PSMB2: variants seen among roughly 807,000 people sequenced by gnomAD.
PSMB2 encodes proteasome subunit beta type-2.
Under a neutral mutation model 25.7 loss-of-function variants are expected in PSMB2, and 13 were observed. The observed-to-expected ratio is 0.51, with a 90% CI of 0.33 to 0.80. The LOEUF is 0.80. PSMB2 is among the 30% of genes least tolerant of loss of function. PSMB2 has a pLI of 0.02. For missense variants in PSMB2, 202 were observed against 259.0 expected, an observed-to-expected ratio of 0.78 and a Z score of 1.51; for synonymous variants, 87 against 96.2, an observed-to-expected ratio of 0.90 and a Z score of 0.56.
rs1331801383 is a variant in PSMB2 at position 35,600,060 on chromosome 1, CAGG to C, written c.*3204_*3206del. 3.1e-5 allele frequency: 22 copies of C among 703,774 alleles called. No homozygotes were observed. The highest frequency in any genetic ancestry group is 3.8e-5 in the Non-Finnish European group (22 of 573,188). 43.6% of individuals were successfully genotyped at this position (703,774 alleles called of 1,614,324 possible). On this transcript the variant is annotated 3_prime_UTR_variant, in exon 6 of 6. Coordinates refer to ENST00000373237, the MANE Select transcript of PSMB2 (RefSeq NM_002794.5). ...CTGGGGTAAGAGGTTCACTTGAGCC[CAGG>C]AGTTCAAGTGAACTTACTGCAGTAA...
At chr1:35,621,073 C>T (rs1337042142) in intron 3 of PSMB2, among the ~76,000 whole-genome samples, 3 of 152,120 alleles carry the variant, frequency 2.0e-5, no homozygotes, top group African/African-American at 7.2e-5. Context: ...CAGTATCCCA[C>T]AACAGATGAA....
At chr1:35,631,610 A>G in intron 2 of PSMB2, 2 of 741,066 alleles carry the variant, frequency 2.7e-6, no homozygotes, top group Non-Finnish European at 3.7e-6. Flanking sequence ...TGCTTAAACT[A>G]TTCATTCATC....
intron 1 of PSMB2, among the ~76,000 whole-genome samples, chr1:35,640,965 C>A (rs1055652380): frequency 2.6e-5 from 4 of 152,082 alleles, no homozygotes; most frequent in African/African-American, 7.2e-5. Context: ...CCGAGACGGG[C>A]GGATCTCCTG....
At chr1:35,622,388 C>T (rs1650716189) in intron 3 of PSMB2, among the ~76,000 whole-genome samples, 1 of 152,128 alleles carries the variant, frequency 6.6e-6, no homozygotes, top group Non-Finnish European at 1.5e-5. Context: ...TAATAGTAAA[C>T]ATTTTAAAAG....
At chr1:35,604,481 T>G (rs562647788) in intron 5 of PSMB2, among the ~76,000 whole-genome samples, 24 of 152,194 alleles carry the variant, frequency 1.6e-4, no homozygotes, top group African/African-American at 4.8e-4. Flanking sequence ...ACAGAGCAGG[T>G]ATAAAGTCTA....
chr1:35,612,549 A>G (rs1301631195), intron 3 of PSMB2, among the ~76,000 whole-genome samples: 1 of 152,236 alleles, frequency 6.6e-6, no homozygotes, highest in Admixed American at 6.5e-5. Context: ...ACAGTACTGC[A>G]AAATCTGGCA....
At chr1:35,617,494 G>A (rs1650526525) in intron 3 of PSMB2, among the ~76,000 whole-genome samples, 1 of 152,190 alleles carries the variant, frequency 6.6e-6, no homozygotes, top group South Asian at 2.1e-4. Flanking sequence ...CTACAACATA[G>A]AATAATTATT....
intron 3 of PSMB2, among the ~76,000 whole-genome samples, chr1:35,629,555 T>A (rs114352295): frequency 0.018 from 2,793 of 152,266 alleles, 100 homozygotes; most frequent in African/African-American, 0.063. Flanking sequence ...ATTCCTATAA[T>A]CCCAGCACCC....
At position 35,603,374 on chromosome 1, in the gene PSMB2, G is replaced by A. The variant is rs757993677; in HGVS notation, c.499C>T (p.Leu167Phe). 3.1e-6 allele frequency: 5 copies of A among 1,614,046 alleles called. No individual in the cohort carries two copies. The East Asian group carries it at 1.1e-4, about 36-fold the overall frequency. ...AGATTCAGGATGAAGCGTTTCTGGAGCTGCAGAGAGACATGGAGGAAATCA... is the reference window on the plus strand; with the variant it reads ...AGATTCAGGATGAAGCGTTTCTGGAACTGCAGAGAGACATGGAGGAAATCA... ...VELLRKCLEE[L>F]QKRFILNLPT... Residue 167 changes from leucine to phenylalanine, a missense_variant and splice_region_variant, in exon 6 of 6, where the codon CTC becomes TTC. Transcript: ENST00000373237.
rs1050222740 is a variant in PSMB2 at position 35,601,900 on chromosome 1, G to A, written c.*1367C>T. 2.0e-6 allele frequency: 2 copies of A among 985,412 alleles called. No homozygotes were observed. The highest frequency in any genetic ancestry group is 2.4e-6 in the Non-Finnish European group (2 of 829,916). 61.0% of individuals were successfully genotyped at this position (985,412 alleles called of 1,614,324 possible). A position where few individuals can be genotyped will look rare whatever the true frequency, so the allele number is the denominator to read the frequency against. ...TAAAGTTATGCTAAGAGTAAAACGA[G>A]TAACTGGTTAACTGCCCATGATACA... On this transcript the variant is annotated 3_prime_UTR_variant, in exon 6 of 6. Coordinates refer to ENST00000373237, the MANE Select transcript of PSMB2 (RefSeq NM_002794.5).
At chr1:35,628,351 T>A (rs550305528) in intron 3 of PSMB2, among the ~76,000 whole-genome samples, 8 of 151,830 alleles carry the variant, frequency 5.3e-5, no homozygotes, top group African/African-American at 1.7e-4. Flanking sequence ...AGGAGCTTAA[T>A]TCACTTAATG....
Position 35,641,388 on chromosome 1 carries a change from G to A in PSMB2, c.45C>T (p.Val15=). The A allele has an allele frequency of 1.2e-6, 2 of 1,614,054 alleles. No homozygotes were observed. Among genetic ancestry groups the A allele is most frequent in the Non-Finnish European group, 1.7e-6 (2 of 1,180,010 alleles). ...TGCTGGCGGCCACCCGGTCGGAGGC[G>A]ACAAGAACATAGTCGGGGCCTTGGA... ...IGIQGPDYVL[V]ASDRVAASNI... Residue 15 remains valine (V), a synonymous_variant, in exon 1 of 6, where the codon GTC becomes GTT. Coordinates refer to ENST00000373237, the MANE Select transcript of PSMB2 (RefSeq NM_002794.5).
chr1:35,620,623 G>C (rs1407066438), intron 3 of PSMB2, among the ~76,000 whole-genome samples: 1 of 151,178 alleles, frequency 6.6e-6, no homozygotes, highest in East Asian at 2.0e-4. Flanking sequence ...AGCTACTCAG[G>C]AGGCTGAGGC....
chr1:35,629,533 AGT>A (rs1476594560), intron 3 of PSMB2, among the ~76,000 whole-genome samples: 1 of 152,248 alleles, frequency 6.6e-6, no homozygotes, highest in Admixed American at 6.5e-5. Context: ...CGCCAGGTAC[AGT>A]GAGTGGCTCA....
intron 1 of PSMB2, among the ~76,000 whole-genome samples, chr1:35,640,793 C>G (rs1651370966): frequency 6.6e-6 from 1 of 152,172 alleles, no homozygotes; most frequent in South Asian, 2.1e-4. Context: ...TGGGCAGGCG[C>G]TTAAACATTT....
At chr1:35,608,939 G>A (rs1002340930) in intron 4 of PSMB2, among the ~76,000 whole-genome samples, 1 of 152,184 alleles carries the variant, frequency 6.6e-6, no homozygotes, top group Non-Finnish European at 1.5e-5. Context: ...AGAAATGAAG[G>A]ATTTTAGAAC....
intron 3 of PSMB2, among the ~76,000 whole-genome samples, chr1:35,616,487 C>G (rs1372513191): frequency 1.3e-5 from 2 of 152,230 alleles, no homozygotes; most frequent in Non-Finnish European, 2.9e-5. Context: ...ACTATAGCCT[C>G]AAACTCCTGG....
At chr1:35,631,195 T>C (rs983048188) in intron 3 of PSMB2, 79 bp downstream of exon 3, 2 of 1,455,728 alleles carry the variant, frequency 1.4e-6, no homozygotes, top group African/African-American at 2.8e-5. Flanking sequence ...GCAAAAATAC[T>C]ACTCATGTAT....
intron 1 of PSMB2, among the ~76,000 whole-genome samples, chr1:35,638,585 C>T (rs1161426021): frequency 6.6e-6 from 1 of 152,146 alleles, no homozygotes; most frequent in Non-Finnish European, 1.5e-5. Flanking sequence ...CTATACATGT[C>T]CAATATTATG....
Sources: allele counts gnomAD v4.1 joint callset (sites outside exome capture counted in the v4.1 genomes callset), GRCh38; gene constraint gnomAD v4.1.1; transcripts MANE v1.5; gene names NCBI Gene and HGNC (gene_info 2026-07-23, HGNC 2026-07-21).